The following KMT2E variants were observed in gnomAD, a reference collection of about 807,000 sequenced individuals.
KMT2E encodes lysine methyltransferase 2E (inactive).
KMT2E carries 30 observed loss-of-function variants against 184.6 expected under a neutral mutation model. That is an observed-to-expected ratio of 0.16 (90% CI 0.12 to 0.22). The LOEUF is 0.22. Ranked by LOEUF, KMT2E falls within the 10% of genes least tolerant of loss-of-function variation. The pLI is 1.00. For missense variants in KMT2E, 2,023 were observed against 2,237.4 expected (o/e 0.90, Z 1.93); for synonymous variants, 815 against 776.5 (o/e 1.05, Z -0.82).
intron 1 of KMT2E, among the ~76,000 whole-genome samples, chr7:105,028,496 T>C (rs1188005425): frequency 1.3e-5 from 2 of 151,512 alleles, no homozygotes; most frequent in Non-Finnish European, 2.9e-5. Context: ...TTCTTTTTCC[T>C]CTTTCTTGCT....
chr7:105,082,319 C>G (rs1230795463), intron 13 of KMT2E, among the ~76,000 whole-genome samples: 1 of 152,156 alleles, frequency 6.6e-6, no homozygotes, highest in East Asian at 1.9e-4. Context: ...GGGGTTGGAG[C>G]ACCAACTGCC....
chr7:105,041,064 A>AC (rs1180556459), intron 3 of KMT2E, 41 bp downstream of exon 3: 6 of 1,295,952 alleles, frequency 4.6e-6, no homozygotes, highest in Middle Eastern at 2.0e-4. Flanking sequence ...AAAAAAAAAA[A>AC]AACCCTTCTG....
intron 3 of KMT2E, 80 bp downstream of exon 3, chr7:105,041,103 G>T (rs1584714935): frequency 5.1e-6 from 4 of 779,522 alleles, no homozygotes; most frequent in South Asian, 2.0e-5. Context: ...AAGTATAAGT[G>T]GAAAATATTA....
chr7:105,109,008 T>C lies in KMT2E; in HGVS notation c.3535T>C (p.Phe1179Leu). 1.2e-6 allele frequency: 2 copies of C among 1,614,136 alleles called. No homozygotes were observed. Among genetic ancestry groups the C allele is most frequent in the South Asian group, 2.2e-5 (2 of 91,084 alleles). Residue 1179 changes from phenylalanine (F) to leucine (L), a missense_variant, in exon 23 of 27, where the codon TTT becomes CTT. Transcript: ENST00000311117. ...ARKSGSKTENFPLISVSPHAS... is the reference protein window; with the variant it reads ...ARKSGSKTENLPLISVSPHAS... The stretch of plus-strand genomic sequence containing the variant: ...GAAAAGTGGCTCTAAGACAGAGAAC[T>C]TTCCACTCATTAGTGTATCACCCCA...
At chr7:105,053,946 G>A (rs2129566422) in intron 3 of KMT2E, among the ~76,000 whole-genome samples, 1 of 152,256 alleles carries the variant, frequency 6.6e-6, no homozygotes, top group South Asian at 2.1e-4. Context: ...GCCAAGGTGG[G>A]CAGATCACCT....
At chr7:105,093,417 C>G (rs1353926488) in intron 15 of KMT2E, among the ~76,000 whole-genome samples, 1 of 152,142 alleles carries the variant, frequency 6.6e-6, no homozygotes, top group Non-Finnish European at 1.5e-5. Context: ...CGCGGTGGCT[C>G]ACGCCTGTAA....
intron 13 of KMT2E, chr7:105,089,141 G>T: frequency 3.3e-6 from 1 of 298,874 alleles, no homozygotes; most frequent in Admixed American, 4.7e-5. Flanking sequence ...TTCTTCTTCT[G>T]TAATATATTA....
chr7:105,063,864 A>G, intron 5 of KMT2E: 1 of 482,756 alleles, frequency 2.1e-6, no homozygotes, highest in South Asian at 2.0e-5. Flanking sequence ...GTACATAAAC[A>G]TAGCAGTAGA....
chr7:105,024,216 A>G (rs553145916), intron 1 of KMT2E, among the ~76,000 whole-genome samples: 11 of 152,338 alleles, frequency 7.2e-5, no homozygotes, highest in Non-Finnish European at 5.9e-5. Context: ...ATGAAGATTA[A>G]TGAAATACAG....
intron 6 of KMT2E, among the ~76,000 whole-genome samples, chr7:105,071,600 ATATATATATT>A (rs1797311576): frequency 4.5e-5 from 3 of 66,146 alleles, no homozygotes; most frequent in African/African-American, 1.9e-4. Flanking sequence ...ATATATATAT[ATATATATATT>A]TTTTTTTTTT....
chr7:105,113,154 C>T lies in KMT2E; in HGVS notation c.5398C>T (p.Pro1800Ser). The T allele has an allele frequency of 6.2e-7, 1 of 1,614,194 alleles. No homozygotes were observed. Among genetic ancestry groups the T allele is most frequent in the Non-Finnish European group, 8.5e-7 (1 of 1,180,042 alleles). Residue 1800 changes from proline to serine, a missense_variant, in exon 27 of 27, where the codon CCA (proline) becomes TCA (serine). By Grantham distance (74) the Pro-to-Ser change is moderately conservative. Around this residue, in one of 8 missense-constraint regions of KMT2E, gnomAD observed 1,108 missense variants for 1,050.9 expected, o/e 1.05. Coordinates refer to ENST00000311117, the MANE Select transcript of KMT2E (RefSeq NM_182931.3). ...AGGTCCTCATCTCCAGCCCCAAGGACCAAACAGTATTCCAACACCTACTGC... is the reference window on the plus strand; with the variant it reads ...AGGTCCTCATCTCCAGCCCCAAGGATCAAACAGTATTCCAACACCTACTGC... ...VTGPHLQPQGPNSIPTPTASG... is the reference protein window; with the variant it reads ...VTGPHLQPQGSNSIPTPTASG...
At position 105,110,325 on chromosome 7, in the gene KMT2E, G is replaced by A. The variant is rs764268129; in HGVS notation, c.3801G>A (p.Gln1267=). Residue 1267 remains glutamine, a synonymous_variant, in exon 24 of 27, where the codon CAG becomes CAA. Transcript: ENST00000311117. ...SVEQVRERSY[Q]RALLLSDHRK... Reference sequence around the variant, plus strand: ...AACAAGTCAGAGAAAGGAGTTATCAGAGAGCTTTACTTCTCAGTGATCACC... The same window carrying A: ...AACAAGTCAGAGAAAGGAGTTATCAAAGAGCTTTACTTCTCAGTGATCACC... 8.7e-6 allele frequency: 14 copies of A among 1,614,068 alleles called. No individual in the cohort carries two copies. The South Asian group carries it at 1.5e-4, about 18-fold the overall frequency.
At chr7:105,033,795 G>A (rs1437523450) in intron 1 of KMT2E, among the ~76,000 whole-genome samples, 3 of 152,120 alleles carry the variant, frequency 2.0e-5, no homozygotes, top group Non-Finnish European at 2.9e-5. Flanking sequence ...TACTGCGCCC[G>A]GCCCAAAGGG....
chr7:105,046,104 C>T (rs1022659122), intron 3 of KMT2E, among the ~76,000 whole-genome samples: 21 of 152,070 alleles, frequency 1.4e-4, no homozygotes, highest in African/African-American at 5.1e-4. Context: ...ATTACTAGAC[C>T]ACTTAGATGT....
intron 9 of KMT2E, 122 bp from the exon 10 acceptor site, chr7:105,076,831 CTAGTTTATAT>C: frequency 1.5e-6 from 1 of 674,378 alleles, no homozygotes; most frequent in South Asian, 1.9e-5. Context: ...ACAGCAGTTT[CTAGTTTATAT>C]TATGTTCTTT....
At chr7:105,106,145 T>A in intron 19 of KMT2E, 142 bp downstream of exon 19, 1 of 892,188 alleles carries the variant, frequency 1.1e-6, no homozygotes, top group Non-Finnish European at 1.7e-6. Flanking sequence ...TTCTGTCCTC[T>A]GTATTTTTTG....
At chr7:105,050,924 A>T (rs1562892081) in intron 3 of KMT2E, among the ~76,000 whole-genome samples, 1 of 135,244 alleles carries the variant, frequency 7.4e-6, no homozygotes, top group Non-Finnish European at 1.7e-5. Flanking sequence ...ATGGGATTTC[A>T]CCATGTTGGC....
chr7:105,073,214 C>G (rs553567076), intron 6 of KMT2E, among the ~76,000 whole-genome samples: 2 of 151,744 alleles, frequency 1.3e-5, no homozygotes, highest in East Asian at 1.9e-4. Flanking sequence ...TCAAGACCAG[C>G]CTGGGTAACC....
At position 105,111,991 on chromosome 7, in the gene KMT2E, C is replaced by T. The variant is rs1799314293; in HGVS notation, c.4235C>T (p.Ser1412Leu). ...KQLSNNNQAL[S>L]KNHPPQTHVR... The stretch of plus-strand genomic sequence containing the variant: ...CTATCAAATAACAACCAAGCACTTT[C>T]AAAGAATCATCCTCCTCAGACACAC... Residue 1412 changes from serine to leucine, a missense_variant, in exon 27 of 27, where the codon TCA (serine) becomes TTA (leucine). Around this residue, in one of 8 missense-constraint regions of KMT2E, gnomAD observed 1,108 missense variants for 1,050.9 expected, o/e 1.05. Coordinates refer to ENST00000311117, the MANE Select transcript of KMT2E (RefSeq NM_182931.3). The T allele has an allele frequency of 1.9e-6, 3 of 1,614,068 alleles. No individual in the cohort carries two copies. In the Admixed American group the frequency reaches 5.0e-5, roughly 27 times the overall value.
Sources: allele counts gnomAD v4.1 joint callset (sites outside exome capture counted in the v4.1 genomes callset), GRCh38; gene constraint gnomAD v4.1.1; regional missense constraint gnomAD v4.1.1; transcripts MANE v1.5; gene names NCBI Gene and HGNC (gene_info 2026-07-23, HGNC 2026-07-21).